EML6: variants seen among roughly 807,000 people sequenced by gnomAD.
EML6 encodes echinoderm microtubule-associated protein-like 6.
Under a neutral mutation model 240.1 loss-of-function variants are expected in EML6, and 154 were observed. The observed-to-expected ratio is 0.64, with a 90% CI of 0.56 to 0.73. The LOEUF (loss-of-function observed/expected upper bound fraction) is 0.73. Ranked by LOEUF, EML6 falls within the 30% of genes least tolerant of loss-of-function variation. The pLI, the probability that EML6 is intolerant of heterozygous loss-of-function variation, is 0.00. For synonymous variants in EML6, 1,148 were observed against 899.0 expected (o/e 1.28, Z -4.95); for missense variants, 2,964 against 2,474.6 (o/e 1.20, Z -4.20).
chr2:54,898,017 TG>T (rs1168571299), intron 21 of EML6, among the ~76,000 whole-genome samples: 11 of 152,106 alleles, frequency 7.2e-5, no homozygotes, highest in Admixed American at 7.2e-4. Flanking sequence ...CAATCACAGT[TG>T]GAATAGACTG....
intron 2 of EML6, among the ~76,000 whole-genome samples, chr2:54,800,846 C>A (rs537526515): frequency 2.0e-5 from 3 of 152,186 alleles, no homozygotes; most frequent in African/African-American, 7.2e-5. Flanking sequence ...TCAACTCCAG[C>A]CCAGGTAGAC....
At chr2:54,754,254 A>G (rs2103724007) in intron 2 of EML6, among the ~76,000 whole-genome samples, 1 of 152,194 alleles carries the variant, frequency 6.6e-6, no homozygotes, top group South Asian at 2.1e-4. Flanking sequence ...CTGCGATTAC[A>G]GGTGGGAGCC....
At chr2:54,765,991 C>G (rs1668172892) in intron 2 of EML6, among the ~76,000 whole-genome samples, 2 of 151,980 alleles carry the variant, frequency 1.3e-5, no homozygotes, top group Admixed American at 6.5e-5. Context: ...CTTTAATATT[C>G]TCTCTCTTAT....
chr2:54,861,769 GTT>G (rs761153394), intron 12 of EML6, among the ~76,000 whole-genome samples: 18 of 121,878 alleles, frequency 1.5e-4, no homozygotes, highest in Non-Finnish European at 1.8e-4. Flanking sequence ...GAGGTTTTTT[GTT>G]TTTTTTTTTT....
Position 54,734,009 on chromosome 2 carries a change from T to C in EML6, c.197+8751T>C, listed in dbSNP as rs1017533421. Among the ~76,000 whole-genome samples the C allele has an allele frequency of 5.3e-5, 8 of 152,208 alleles. No homozygotes were observed. The South Asian group carries it at 1.2e-3, about 24-fold the overall frequency. On this transcript the variant is annotated intron_variant, in intron 2 of 41. Transcript: ENST00000356458. Reference sequence around the variant, plus strand: ...ATACTGAGTTGAGGACAAGAAAAGGTAAGTAAAGGGATACTAAAAGGGCTT... The same window carrying C: ...ATACTGAGTTGAGGACAAGAAAAGGCAAGTAAAGGGATACTAAAAGGGCTT...
At chr2:54,900,714 A>T (rs1673010737) in intron 22 of EML6, among the ~76,000 whole-genome samples, 1 of 152,200 alleles carries the variant, frequency 6.6e-6, no homozygotes, top group African/African-American at 2.4e-5. Flanking sequence ...CGTTGGCCAA[A>T]GTCAACCTGA....
intron 17 of EML6, among the ~76,000 whole-genome samples, chr2:54,888,328 T>A (rs1672268422): frequency 6.6e-6 from 1 of 152,206 alleles, no homozygotes; most frequent in Admixed American, 6.5e-5. Context: ...CATGGTTGCA[T>A]GCTTGGTTCA....
chr2:54,951,765 A>G (rs1675992916), intron 30 of EML6, among the ~76,000 whole-genome samples: 1 of 151,540 alleles, frequency 6.6e-6, no homozygotes. Flanking sequence ...GTAGTTGTTC[A>G]TACATAGATT....
intron 25 of EML6, 55 bp downstream of exon 25, chr2:54,911,097 C>T: frequency 1.1e-6 from 1 of 913,886 alleles, no homozygotes; most frequent in South Asian, 1.7e-5. Flanking sequence ...TTAATATGTG[C>T]ATTTTAATAA....
At chr2:54,930,876 C>G (rs913023303) in intron 28 of EML6, among the ~76,000 whole-genome samples, 2 of 150,936 alleles carry the variant, frequency 1.3e-5, no homozygotes, top group Non-Finnish European at 2.9e-5. Flanking sequence ...CAATCAGAGC[C>G]AAGAACAAGC....
At chr2:54,919,243 C>CCG (rs1674093435) in intron 26 of EML6, among the ~76,000 whole-genome samples, 1 of 36,546 alleles carries the variant, frequency 2.7e-5, no homozygotes. Context: ...TATTTTGCTT[C>CCG]CCCCCCCCCC....
chr2:54,751,424 A>T (rs1351812579), intron 2 of EML6, among the ~76,000 whole-genome samples: 1 of 152,202 alleles, frequency 6.6e-6, no homozygotes, highest in Non-Finnish European at 1.5e-5. Flanking sequence ...CAGAAGGTTC[A>T]CAAGGAACTT....
At position 54,844,262 on chromosome 2, in the gene EML6, G is replaced by A. The variant is rs756160062; in HGVS notation, c.1049+14G>A. 36 of 1,547,298 alleles carry A rather than the reference G, an allele frequency of 2.3e-5. No individual in the cohort carries two copies. The highest frequency in any genetic ancestry group is 1.2e-4 in the African/African-American group (9 of 72,976). On this transcript the variant is annotated intron_variant, in intron 8 of 41. Coordinates refer to ENST00000356458, the MANE Select transcript of EML6 (RefSeq NM_001039753.4). ...CCGCTCTGTCAGGTGAGGCCCTACCGCCGTCACCTCTCTGACTTCTTTGAG... is the reference window on the plus strand; with the variant it reads ...CCGCTCTGTCAGGTGAGGCCCTACCACCGTCACCTCTCTGACTTCTTTGAG...
chr2:54,839,784 C>G (rs1363748728), intron 7 of EML6, among the ~76,000 whole-genome samples: 1 of 152,194 alleles, frequency 6.6e-6, no homozygotes, highest in African/African-American at 2.4e-5. Context: ...CAAGAGCTCC[C>G]TGGATATGGT....
intron 12 of EML6, 95 bp downstream of exon 12, chr2:54,859,796 C>A: frequency 9.2e-7 from 1 of 1,091,444 alleles, no homozygotes; most frequent in Non-Finnish European, 1.2e-6. Context: ...AGGATTTAAG[C>A]AATTTTGGAA....
At chr2:54,899,593 C>T (rs6545455) in intron 21 of EML6, 48 bp from the exon 22 acceptor site, 55 of 1,525,836 alleles carry the variant, frequency 3.6e-5, no homozygotes, top group Non-Finnish European at 4.5e-5. Context: ...GAAGGGCTAG[C>T]CAAACAGCAT....
upstream of EML6, chr2:54,723,561 G>C (rs1313597151): frequency 2.6e-5 from 4 of 152,348 alleles, no homozygotes; most frequent in African/African-American, 7.2e-5. Context: ...CAAGCGGCGA[G>C]ATCTCGCCTA....
chr2:54,923,603 T>TA (rs530834034), intron 26 of EML6, among the ~76,000 whole-genome samples: 30 of 152,204 alleles, frequency 2.0e-4, no homozygotes, highest in Non-Finnish European at 3.8e-4. Context: ...TGCATATTAC[T>TA]ATCTAGAGTT....
At position 54,724,825 on chromosome 2, in the gene EML6, A is replaced by C; in HGVS notation, c.-237A>C. On this transcript the variant is annotated 5_prime_UTR_variant, in exon 2 of 42. Coordinates refer to ENST00000356458, the MANE Select transcript of EML6 (RefSeq NM_001039753.4). The surrounding 1 kb of genome is among the most constrained non-coding windows in gnomAD (Gnocchi z 5.2). ...GCCCCCAGAGCCGCCTTGCCCGGGTAGAGGGAGCCCGGCGCCCGGCGGGGT... is the reference window on the plus strand; with the variant it reads ...GCCCCCAGAGCCGCCTTGCCCGGGTCGAGGGAGCCCGGCGCCCGGCGGGGT... The C allele has an allele frequency of 1.2e-5, 2 of 165,138 alleles. No homozygotes were observed. Among genetic ancestry groups the C allele is most frequent in the Non-Finnish European group, 2.5e-5 (2 of 78,562 alleles). The allele number at this position is 165,138 out of a possible 1,614,324, so 10.2% of individuals were successfully genotyped here.
Sources: allele counts gnomAD v4.1 joint callset (sites outside exome capture counted in the v4.1 genomes callset), GRCh38; gene constraint gnomAD v4.1.1; non-coding constraint Gnocchi (gnomAD v3.1); transcripts MANE v1.5; gene names NCBI Gene and HGNC (gene_info 2026-07-23, HGNC 2026-07-21).